The following RELL1 variants were observed in gnomAD, a reference collection of about 807,000 sequenced individuals.
The protein encoded by RELL1 is RELT like 1.
Under a neutral mutation model 23.0 loss-of-function variants are expected in RELL1, and 10 were observed. The observed-to-expected ratio is 0.43, with a 90% CI of 0.27 to 0.74. RELL1 has a LOEUF of 0.74. Among genes scored for constraint, RELL1 ranks in the 30% least tolerant of loss-of-function variants. The pLI is 0.19. For missense variants in RELL1, 315 were observed against 364.4 expected (o/e 0.86, Z 1.10); for synonymous variants, 146 against 146.8 (o/e 0.99, Z 0.04).
intron 6 of RELL1, among the ~76,000 whole-genome samples, chr4:37,593,228 A>G (rs1356882466): frequency 1.3e-5 from 2 of 152,192 alleles, no homozygotes; most frequent in African/African-American, 4.8e-5. Context: ...GTTCAGTTGT[A>G]TGGGACGAGT....
intron 1 of RELL1, among the ~76,000 whole-genome samples, chr4:37,666,676 G>T (rs572497207): frequency 7.2e-5 from 11 of 152,276 alleles, no homozygotes; most frequent in Admixed American, 2.6e-4. Context: ...TAAATGTGGG[G>T]TGCAGAAAAG....
intron 1 of RELL1, among the ~76,000 whole-genome samples, chr4:37,681,201 T>A (rs1464173282): frequency 3.9e-5 from 6 of 152,208 alleles, no homozygotes; most frequent in African/African-American, 1.4e-4. Flanking sequence ...AAAATCCCTA[T>A]CATTGCAAAG....
intron 6 of RELL1, among the ~76,000 whole-genome samples, chr4:37,622,205 AAAC>A (rs748588372): frequency 7.2e-5 from 11 of 152,220 alleles, no homozygotes; most frequent in Non-Finnish European, 1.5e-4. Context: ...CTTCAATAAA[AAAC>A]AAGGTATGAA....
chr4:37,684,135 C>A (rs1722321363), intron 1 of RELL1, among the ~76,000 whole-genome samples: 1 of 152,126 alleles, frequency 6.6e-6, no homozygotes, highest in Non-Finnish European at 1.5e-5. Context: ...CAAAGCCTGG[C>A]ACACAGCAGG....
chr4:37,589,572 T>C (rs1198966651), downstream of RELL1, among the ~76,000 whole-genome samples: 1 of 152,226 alleles, frequency 6.6e-6, no homozygotes, highest in African/African-American at 2.4e-5. Flanking sequence ...CTTTGTATTT[T>C]ACTTCACCCC....
rs536916164 is a variant in RELL1, at chr4:37,611,644, C to A, written c.*1702G>T. Among the ~76,000 whole-genome samples, 2 of 151,942 alleles carry A rather than the reference C, an allele frequency of 1.3e-5. No individual in the cohort carries two copies. Among genetic ancestry groups the A allele is most frequent in the African/African-American group, 2.4e-5 (1 of 41,360 alleles). ...TGGAGACCTTGTAACTGGCCTCCCC[C>A]ACAGCTCACCCCAGAGCTACCATAA... On this transcript the variant is annotated 3_prime_UTR_variant, in exon 7 of 7. Transcript: ENST00000454158.
downstream of RELL1, among the ~76,000 whole-genome samples, chr4:37,606,053 AAGGG>A (rs1489696656): frequency 6.7e-6 from 1 of 149,262 alleles, no homozygotes; most frequent in Admixed American, 6.7e-5. The surrounding 1 kb of genome is among the most constrained non-coding windows in gnomAD (Gnocchi z 4.1). Flanking sequence ...AAAAAGAAGA[AAGGG>A]AAGGAAGGAA....
intron 3 of RELL1, among the ~76,000 whole-genome samples, chr4:37,641,124 G>A (rs17495226): frequency 0.037 from 5,672 of 152,080 alleles, 103 homozygotes; most frequent in Non-Finnish European, 0.053. Context: ...TGTGTTTCTC[G>A]GTTATTCATG....
chr4:37,635,906 C>T (rs1487886690), intron 4 of RELL1, among the ~76,000 whole-genome samples: 1 of 152,182 alleles, frequency 6.6e-6, no homozygotes, highest in East Asian at 1.9e-4. Flanking sequence ...ATCAAATCTC[C>T]ATTATATCAA....
intron 6 of RELL1, among the ~76,000 whole-genome samples, chr4:37,615,813 AAAGG>A (rs1426164925): frequency 1.3e-5 from 2 of 152,232 alleles, no homozygotes; most frequent in African/African-American, 4.8e-5. Flanking sequence ...TATCTGGAAC[AAAGG>A]AAGAGGTTGT....
At chr4:37,608,271 A>G (rs998858729), downstream of RELL1, among the ~76,000 whole-genome samples, 4 of 152,224 alleles carry the variant, frequency 2.6e-5, no homozygotes, top group Non-Finnish European at 4.4e-5. Context: ...TTAAATAAAA[A>G]GCTAGAAATG....
intron 6 of RELL1, among the ~76,000 whole-genome samples, chr4:37,625,985 G>GA (rs1719923492): frequency 3.3e-5 from 5 of 151,164 alleles, no homozygotes; most frequent in Admixed American, 3.3e-4. Context: ...ACAAATATAT[G>GA]AAAAAAAGGC....
At chr4:37,650,623 T>C (rs1720895711) in intron 1 of RELL1, among the ~76,000 whole-genome samples, 1 of 152,106 alleles carries the variant, frequency 6.6e-6, no homozygotes, top group Admixed American at 6.5e-5. Flanking sequence ...GAAGTGGGCA[T>C]CTTTTGGAGA....
intron 1 of RELL1, among the ~76,000 whole-genome samples, chr4:37,676,925 C>G (rs1301715480): frequency 6.6e-6 from 1 of 152,182 alleles, no homozygotes; most frequent in Non-Finnish European, 1.5e-5. Context: ...ACAAGACATA[C>G]ACGTAGTCCC....
intron 1 of RELL1, among the ~76,000 whole-genome samples, chr4:37,671,565 T>C (rs1161885782): frequency 6.6e-6 from 1 of 152,200 alleles, no homozygotes; most frequent in Admixed American, 6.5e-5. Flanking sequence ...ACAGATGCCA[T>C]GGCAATGTTG....
chr4:37,603,360 G>A (rs10050295), intron 6 of RELL1, among the ~76,000 whole-genome samples: 56,504 of 152,052 alleles, frequency 0.37, 12,268 homozygotes, highest in Non-Finnish European at 0.49. Context: ...GGAGATCTGA[G>A]AACAGTCCTG....
intron 6 of RELL1, among the ~76,000 whole-genome samples, chr4:37,597,475 A>G (rs1389880493): frequency 6.6e-6 from 1 of 152,164 alleles, no homozygotes; most frequent in East Asian, 1.9e-4. Context: ...TCTAGGTCCA[A>G]CTCATTCTTT....
chr4:37,646,365 G>C (rs986443465), intron 3 of RELL1, among the ~76,000 whole-genome samples: 2 of 152,318 alleles, frequency 1.3e-5, no homozygotes, highest in East Asian at 3.9e-4. Context: ...CTTTGTAAAA[G>C]TGTTAACACT....
intron 6 of RELL1, among the ~76,000 whole-genome samples, chr4:37,622,259 G>A: frequency 6.6e-6 from 1 of 152,208 alleles, no homozygotes; most frequent in East Asian, 1.9e-4. Flanking sequence ...AAGGGCAAAA[G>A]GAGGGGCTTT....
Sources: allele counts gnomAD v4.1 joint callset (sites outside exome capture counted in the v4.1 genomes callset), GRCh38; gene constraint gnomAD v4.1.1; non-coding constraint Gnocchi (gnomAD v3.1); transcripts MANE v1.5; gene names NCBI Gene and HGNC (gene_info 2026-07-23, HGNC 2026-07-21).